TUT4: variants seen among roughly 807,000 people sequenced by gnomAD.
The protein encoded by TUT4 is terminal uridylyltransferase 4.
TUT4 carries 36 observed loss-of-function variants against 192.2 expected under a neutral mutation model. The observed-to-expected ratio is 0.19, with a 90% CI of 0.14 to 0.25. The LOEUF is 0.25. Among genes scored for constraint, TUT4 ranks in the 10% least tolerant of loss-of-function variants. The probability of loss-of-function intolerance (pLI) is 1.00; values close to 1 mark genes in which losing one functional copy is unlikely to be tolerated. For synonymous variants in TUT4, 618 were observed against 666.0 expected, an observed-to-expected ratio of 0.93 and a Z score of 1.11; for missense variants, 1,493 against 1,957.2, an observed-to-expected ratio of 0.76 and a Z score of 4.47.
In TUT4 at chr1:52,481,797, T is replaced by C; in HGVS notation, c.1635+7A>G. The C allele has an allele frequency of 4.4e-6, 7 of 1,578,798 alleles. No individual in the cohort carries two copies. Among genetic ancestry groups the C allele is most frequent in the South Asian group, 1.2e-5 (1 of 83,656 alleles). Reference sequence around the variant, plus strand: ...TATGCATATATATGTCACAAATTCATGCTTACCCAACTTCCAAGTAAGCAA... The same window carrying C: ...TATGCATATATATGTCACAAATTCACGCTTACCCAACTTCCAAGTAAGCAA... On this transcript the variant is annotated splice_region_variant and intron_variant, in intron 10 of 29. Coordinates refer to ENST00000257177, the MANE Select transcript of TUT4 (RefSeq NM_001009881.3).
At chr1:52,547,894 T>G (rs1688493519) in intron 1 of TUT4, among the ~76,000 whole-genome samples, 1 of 152,192 alleles carries the variant, frequency 6.6e-6, no homozygotes, top group Admixed American at 6.5e-5. Flanking sequence ...TGGGTTTCAT[T>G]ATGGGATAAA....
At chr1:52,531,306 G>A (rs1390274861) in intron 1 of TUT4, among the ~76,000 whole-genome samples, 1 of 151,168 alleles carries the variant, frequency 6.6e-6, no homozygotes, top group Non-Finnish European at 1.5e-5. Context: ...ACTCACTACA[G>A]CTTCGAATTC....
intron 26 of TUT4, 41 bp downstream of exon 26, chr1:52,436,714 T>G: frequency 1.2e-6 from 2 of 1,609,970 alleles, no homozygotes; most frequent in Non-Finnish European, 1.7e-6. Flanking sequence ...CATAAATGAC[T>G]TCGTTTCTAC....
At chr1:52,532,447 C>T (rs1683735411) in intron 1 of TUT4, among the ~76,000 whole-genome samples, 1 of 151,824 alleles carries the variant, frequency 6.6e-6, no homozygotes, top group Admixed American at 6.6e-5. Context: ...CCACCTCAGC[C>T]TCACAGGCAC....
intron 14 of TUT4, among the ~76,000 whole-genome samples, chr1:52,470,305 A>C (rs1665386204): frequency 6.6e-6 from 1 of 152,222 alleles, no homozygotes; most frequent in African/African-American, 2.4e-5. Context: ...ATTCAATTAT[A>C]ACCCAAGGCA....
Position 52,533,321 on chromosome 1 carries a change from T to A in TUT4, c.-93-6948A>T, listed in dbSNP as rs938317417. ...AAGAAATATATATACTTAATCACATTTCCCTTTTGGTATACTTTTCAGTTT... is the reference window on the plus strand; with the variant it reads ...AAGAAATATATATACTTAATCACATATCCCTTTTGGTATACTTTTCAGTTT... On this transcript the variant is annotated intron_variant, in intron 1 of 29. Coordinates refer to ENST00000257177, the MANE Select transcript of TUT4 (RefSeq NM_001009881.3). 6.6e-5 allele frequency among the ~76,000 whole-genome samples: 10 copies of A among 152,236 alleles called. No homozygotes were observed. In the East Asian group the frequency reaches 1.7e-3, roughly 26 times the overall value.
intron 2 of TUT4, 118 bp from the exon 3 acceptor site, chr1:52,516,172 T>A: frequency 3.6e-6 from 3 of 829,322 alleles, no homozygotes; most frequent in Non-Finnish European, 5.5e-6. Flanking sequence ...ATATTTTCCT[T>A]AGGAAAGTAT....
intron 4 of TUT4, among the ~76,000 whole-genome samples, chr1:52,509,072 T>G (rs1451913628): frequency 6.6e-6 from 1 of 150,944 alleles, no homozygotes; most frequent in Non-Finnish European, 1.5e-5. Flanking sequence ...GCTCTCCCAC[T>G]TACCCTTCTA....
rs1267435278 is a variant in TUT4, at chr1:52,461,184, T to C, written c.3271A>G (p.Ile1091Val). 6.2e-6 allele frequency: 10 copies of C among 1,608,140 alleles called. No individual in the cohort carries two copies. Among genetic ancestry groups the C allele is most frequent in the Admixed American group, 5.0e-5 (3 of 59,616 alleles). The change falls in exon 19 of 30, where the codon ATT becomes GTT. Residue 1091 changes from isoleucine to valine, a missense_variant. By Grantham distance (29) the Ile-to-Val change is conservative. Around this residue, in one of 7 missense-constraint regions of TUT4, gnomAD observed 141 missense variants for 382.7 expected, o/e 0.37. Coordinates refer to ENST00000257177, the MANE Select transcript of TUT4 (RefSeq NM_001009881.3). The stretch of plus-strand genomic sequence containing the variant: ...CCCAAATACTGCACTCTAGGATCAA[T>C]AGCTGCATAAGTAGCTAGCATTCTT... Reference protein sequence around the residue: ...NTRMLATYAAIDPRVQYLGYT... With the variant: ...NTRMLATYAAVDPRVQYLGYT...
At chr1:52,453,377 C>T (rs567945978) in intron 20 of TUT4, among the ~76,000 whole-genome samples, 2 of 150,050 alleles carry the variant, frequency 1.3e-5, no homozygotes, top group Admixed American at 6.6e-5. Context: ...AGCGAAACTC[C>T]GTCTCAAAAA....
chr1:52,546,655 ATACACT>A lies in TUT4; in HGVS notation c.-94+6270_-94+6275del, dbSNP rs1688161856. Among the ~76,000 whole-genome samples, 3 of 152,196 alleles carry A rather than the reference ATACACT, an allele frequency of 2.0e-5. No homozygotes were observed. In the South Asian group the frequency reaches 6.2e-4, roughly 31 times the overall value. On this transcript the variant is annotated intron_variant, in intron 1 of 29. Coordinates refer to ENST00000257177, the MANE Select transcript of TUT4 (RefSeq NM_001009881.3). ...TGAATGTATTTAATACCACTGAATG[ATACACT>A]TAAAAATCATTAAGATGATATGTTG...
chr1:52,465,874 C>CT (rs879416499), intron 15 of TUT4, among the ~76,000 whole-genome samples: 5,156 of 145,630 alleles, frequency 0.035, 202 homozygotes, highest in African/African-American at 0.1. Context: ...CTTCCTATTA[C>CT]TTTTTTTTTT....
chr1:52,431,321 T>C lies in TUT4; in HGVS notation c.4403A>G (p.His1468Arg), dbSNP rs1442859435. 2 of 1,614,124 alleles carry C rather than the reference T, an allele frequency of 1.2e-6. No homozygotes were observed. The highest frequency in any genetic ancestry group is 1.7e-6 in the Non-Finnish European group (2 of 1,180,016). The stretch of plus-strand genomic sequence containing the variant: ...GTTATACAGTGGCATCTGGACCTGA[T>C]GGGGAGGTTGGGCTCCCTGCTGAGG... Reference protein sequence around the residue: ...GPPQQGAQPPHQVQMPLYNFP... With the variant: ...GPPQQGAQPPRQVQMPLYNFP... Residue 1468 changes from histidine to arginine, a missense_variant, in exon 28 of 30, where the codon CAT becomes CGT. Around this residue, in one of 7 missense-constraint regions of TUT4, gnomAD observed 351 missense variants for 397.8 expected, o/e 0.88. Coordinates refer to ENST00000257177, the MANE Select transcript of TUT4 (RefSeq NM_001009881.3).
At chr1:52,463,751 G>A in intron 16 of TUT4, 1 of 1,304,182 alleles carries the variant, frequency 7.7e-7, no homozygotes, top group East Asian at 5.5e-5. Context: ...CCTGGAGCTT[G>A]GACAATCTCC....
chr1:52,525,804 T>A lies in TUT4; in HGVS notation c.477A>T (p.Glu159Asp). The change falls in exon 2 of 30, where the codon GAA becomes GAT. Residue 159 changes from glutamate to aspartate, a missense_variant. Glu to Asp is a conservative substitution (Grantham distance 45). Coordinates refer to ENST00000257177, the MANE Select transcript of TUT4 (RefSeq NM_001009881.3). ...KSEKVPSSPA[E>D]AEKGPSLLLK... ...ACAGTAAACTGGGTCCCTTTTCTGC[T>A]TCTGCTGGTGAACTTGGTACTTTTT... 6 of 1,614,222 alleles carry A rather than the reference T, an allele frequency of 3.7e-6. No homozygotes were observed. Among genetic ancestry groups the A allele is most frequent in the Non-Finnish European group, 5.1e-6 (6 of 1,180,048 alleles).
chr1:52,494,241 A>G (rs1394283189), intron 6 of TUT4, among the ~76,000 whole-genome samples: 1 of 152,176 alleles, frequency 6.6e-6, no homozygotes, highest in Middle Eastern at 3.2e-3. Context: ...CCATCAAAAC[A>G]AAAGAGAAAT....
rs764571431 is a variant in TUT4 at position 52,468,288 on chromosome 1, A to G, written c.2879-21T>C. On this transcript the variant is annotated intron_variant, in intron 14 of 29. Transcript: ENST00000257177. Reference sequence around the variant, plus strand: ...CTCATCTGGGTTTATAAAAAGAAGAAAAAAGGAAAAAGAAAAGTAAGGAAA... The same window carrying G: ...CTCATCTGGGTTTATAAAAAGAAGAGAAAAGGAAAAAGAAAAGTAAGGAAA... 5.2e-6 allele frequency: 8 copies of G among 1,534,944 alleles called. No homozygotes were observed. In the South Asian group the frequency reaches 9.8e-5, roughly 19 times the overall value.
intron 1 of TUT4, among the ~76,000 whole-genome samples, chr1:52,540,413 G>A (rs947508471): frequency 1.3e-5 from 2 of 151,434 alleles, no homozygotes; most frequent in Non-Finnish European, 2.9e-5. Flanking sequence ...TTCTCAGGAG[G>A]CTGAGGCAGA....
chr1:52,523,381 G>A, intron 2 of TUT4, among the ~76,000 whole-genome samples: 1 of 152,102 alleles, frequency 6.6e-6, no homozygotes, highest in East Asian at 1.9e-4. Flanking sequence ...CAAGGTGGGG[G>A]TATCACTTGA....
Sources: allele counts gnomAD v4.1 joint callset (sites outside exome capture counted in the v4.1 genomes callset), GRCh38; gene constraint gnomAD v4.1.1; regional missense constraint gnomAD v4.1.1; transcripts MANE v1.5; gene names NCBI Gene and HGNC (gene_info 2026-07-23, HGNC 2026-07-21).